The following MGAT4C variants were observed in gnomAD, a reference collection of about 807,000 sequenced individuals.
The protein encoded by MGAT4C is alpha-1,3-mannosyl-glycoprotein 4-beta-N-acetylglucosaminyltransferase C.
In MGAT4C, 19 loss-of-function variants were observed where a neutral mutation model predicts 40.1. The ratio of observed to expected loss-of-function variants is 0.47; its 90% CI spans 0.33 to 0.70. MGAT4C has a LOEUF of 0.70. Ranked by LOEUF, MGAT4C falls within the 30% of genes least tolerant of loss-of-function variation. MGAT4C has a pLI of 0.02. For synonymous variants in MGAT4C, 181 were observed against 187.1 expected (o/e 0.97, Z 0.27); for missense variants, 491 against 563.2 (o/e 0.87, Z 1.30).
chr12:86,662,684 A>C (rs1391635321), intron 2 of MGAT4C, among the ~76,000 whole-genome samples: 5 of 152,156 alleles, frequency 3.3e-5, no homozygotes, highest in African/African-American at 1.2e-4. Flanking sequence ...GATACAAAAC[A>C]TCTGGCATAG....
intron 2 of MGAT4C, among the ~76,000 whole-genome samples, chr12:85,992,053 C>G (rs551576761): frequency 2.6e-5 from 4 of 152,130 alleles, no homozygotes; most frequent in African/African-American, 9.7e-5. Context: ...GATCCTGTAA[C>G]ATTTTGGGGG....
At chr12:86,807,400 G>T (rs1040607946) in intron 1 of MGAT4C, among the ~76,000 whole-genome samples, 3 of 151,934 alleles carry the variant, frequency 2.0e-5, no homozygotes, top group Non-Finnish European at 4.4e-5. Context: ...TCCTACGTTG[G>T]TTTGCTGAGG....
intron 1 of MGAT4C, among the ~76,000 whole-genome samples, chr12:86,831,319 T>C (rs1952923335): frequency 6.6e-6 from 1 of 151,522 alleles, no homozygotes; most frequent in Admixed American, 6.6e-5. Flanking sequence ...AGAGGGAGGG[T>C]GTCAGAGAGC....
intron 4 of MGAT4C, among the ~76,000 whole-genome samples, chr12:86,309,782 C>T (rs143506144): frequency 2.6e-5 from 4 of 152,290 alleles, no homozygotes; most frequent in African/African-American, 9.6e-5. Context: ...TAATAAATGG[C>T]TGTGTTGCTT....
chr12:86,375,955 C>A lies in MGAT4C; in HGVS notation c.-119-41828G>T, dbSNP rs556636706. 9.3e-4 allele frequency among the ~76,000 whole-genome samples: 141 copies of A among 152,064 alleles called. 1 individual carries two copies. The highest frequency in any genetic ancestry group is 3.1e-3 in the African/African-American group (127 of 41,492). On this transcript the variant is annotated intron_variant, in intron 3 of 7. Transcript: ENST00000548651. ...AAATATGGAAAGTCAATGATCATAACCATCTATTATAATGTTTGCATTTAA... is the reference window on the plus strand; with the variant it reads ...AAATATGGAAAGTCAATGATCATAAACATCTATTATAATGTTTGCATTTAA...
intron 1 of MGAT4C, among the ~76,000 whole-genome samples, chr12:86,087,814 T>G (rs956441392): frequency 1.3e-4 from 20 of 152,032 alleles, no homozygotes; most frequent in Non-Finnish European, 2.6e-4. Context: ...CCAAAGCAAT[T>G]TACAGATTTA....
chr12:86,707,528 C>CAT (rs983398524), intron 2 of MGAT4C, among the ~76,000 whole-genome samples: 8 of 132,836 alleles, frequency 6.0e-5, no homozygotes, highest in African/African-American at 1.9e-4. Context: ...TTTTTCTTTT[C>CAT]TTTTTTTTTT....
At chr12:86,199,391 A>C (rs1242001027) in intron 1 of MGAT4C, among the ~76,000 whole-genome samples, 1 of 151,846 alleles carries the variant, frequency 6.6e-6, no homozygotes, top group African/African-American at 2.4e-5. Flanking sequence ...GAAAAAGTAG[A>C]ATTTTGTTCT....
intron 1 of MGAT4C, among the ~76,000 whole-genome samples, chr12:86,203,628 G>A (rs1411615556): frequency 6.6e-6 from 1 of 152,028 alleles, no homozygotes; most frequent in African/African-American, 2.4e-5. Context: ...TGTGGAGCTC[G>A]TCTGTATGTA....
intron 1 of MGAT4C, among the ~76,000 whole-genome samples, chr12:86,194,328 T>A (rs1380516114): frequency 6.6e-6 from 1 of 152,210 alleles, no homozygotes; most frequent in Non-Finnish European, 1.5e-5. Context: ...ATCTGCTAGT[T>A]TTTGAGAAAA....
chr12:86,363,566 A>C (rs1955529254), intron 3 of MGAT4C, among the ~76,000 whole-genome samples: 3 of 152,066 alleles, frequency 2.0e-5, no homozygotes. Flanking sequence ...GAAACTAAGA[A>C]GAAATGAAAA....
chr12:86,397,261 T>TATGAAGTAAAAGAATGGCTCAGCCAAGCA (rs1198776092), intron 3 of MGAT4C, among the ~76,000 whole-genome samples: 1 of 152,140 alleles, frequency 6.6e-6, no homozygotes, highest in Admixed American at 6.5e-5. Flanking sequence ...AATATATATG[T>TATGAAGTAAAAGAATGGCTCAGCCAAGCA]ATGAAGTAAA....
intron 1 of MGAT4C, among the ~76,000 whole-genome samples, chr12:86,199,716 T>G (rs1949965730): frequency 6.6e-6 from 1 of 152,148 alleles, no homozygotes; most frequent in Non-Finnish European, 1.5e-5. Flanking sequence ...AAATGCTTAG[T>G]GAAGTACATA....
chr12:86,824,448 A>T (rs576806165), intron 1 of MGAT4C, among the ~76,000 whole-genome samples: 227 of 151,572 alleles, frequency 1.5e-3, no homozygotes, highest in Non-Finnish European at 1.7e-3. Context: ...CTTAAACTGC[A>T]AAAGTTATGG....
intron 1 of MGAT4C, among the ~76,000 whole-genome samples, chr12:86,064,616 G>T (rs1894345796): frequency 6.6e-6 from 1 of 152,100 alleles, no homozygotes; most frequent in South Asian, 2.1e-4. Context: ...AAGCAGGAGA[G>T]ATCTAAAATT....
intron 2 of MGAT4C, among the ~76,000 whole-genome samples, chr12:86,478,447 A>G (rs1957879741): frequency 6.6e-6 from 1 of 152,168 alleles, no homozygotes; most frequent in Non-Finnish European, 1.5e-5. Context: ...AGGAGAACCA[A>G]GAAGTGGAAA....
intron 2 of MGAT4C, among the ~76,000 whole-genome samples, chr12:86,479,374 A>G (rs953439502): frequency 3.3e-5 from 5 of 152,012 alleles, no homozygotes; most frequent in African/African-American, 9.7e-5. Context: ...CTTATGGTTT[A>G]AAGTATAGTC....
At chr12:86,810,741 T>C (rs181744949) in intron 1 of MGAT4C, among the ~76,000 whole-genome samples, 1 of 151,950 alleles carries the variant, frequency 6.6e-6, no homozygotes, top group Admixed American at 6.6e-5. Flanking sequence ...TATTTTGAGA[T>C]TCCTTATATA....
rs368088062 is a variant in MGAT4C, at chr12:86,539,408, T to C, written c.-228-104143A>G. 3.9e-5 allele frequency among the ~76,000 whole-genome samples: 6 copies of C among 152,354 alleles called. No homozygotes were observed. The South Asian group carries it at 1.0e-3, about 26-fold the overall frequency. ...CATGGTGTACATGTGCCACATTTCT[T>C]AATCCAATCTATCATTGATGGACAT... On this transcript the variant is annotated intron_variant, in intron 2 of 7. Coordinates refer to the MGAT4C transcript ENST00000548651.
Sources: allele counts gnomAD v4.1 joint callset (sites outside exome capture counted in the v4.1 genomes callset), GRCh38; gene constraint gnomAD v4.1.1; transcripts MANE v1.5; gene names NCBI Gene and HGNC (gene_info 2026-07-23, HGNC 2026-07-21).